Variants in PDE1A observed in about 807,000 individuals in gnomAD.
The protein encoded by PDE1A is phosphodiesterase 1A.
In PDE1A, 35 loss-of-function variants were observed where a neutral mutation model predicts 61.7. The observed-to-expected ratio is 0.57, with a 90% CI of 0.43 to 0.75. The LOEUF is 0.75. PDE1A is among the 30% of genes least tolerant of loss of function. The pLI, the probability that PDE1A is intolerant of heterozygous loss-of-function variation, is 0.00. For missense variants in PDE1A, 597 were observed against 630.6 expected (o/e 0.95, Z 0.57); for synonymous variants, 232 against 213.2 (o/e 1.09, Z -0.77).
At chr2:182,348,303 T>C (rs1248580954) in intron 1 of PDE1A, among the ~76,000 whole-genome samples, 4 of 152,162 alleles carry the variant, frequency 2.6e-5, no homozygotes, top group African/African-American at 9.7e-5. Context: ...AGGCAGATTG[T>C]TAGACTCTTT....
At chr2:182,684,182 T>G in the PDE1A span, among the ~76,000 whole-genome samples, 1 of 149,710 alleles carries the variant, frequency 6.7e-6, no homozygotes, top group Non-Finnish European at 1.5e-5. Context: ...TTGTAATACC[T>G]AAAAAAAATT....
the PDE1A span, among the ~76,000 whole-genome samples, chr2:182,681,738 C>T: frequency 4.9e-3 from 745 of 152,134 alleles, 3 homozygotes; most frequent in African/African-American, 0.017. Context: ...CTCCACCTTC[C>T]GGGTTCCCAC....
chr2:182,598,663 C>T, the PDE1A span, among the ~76,000 whole-genome samples: 1 of 152,146 alleles, frequency 6.6e-6, no homozygotes, highest in Non-Finnish European at 1.5e-5. Context: ...CAAGCTCTGC[C>T]TTTCGAGTGT....
At chr2:182,540,858 T>G in the PDE1A span, among the ~76,000 whole-genome samples, 26 of 152,290 alleles carry the variant, frequency 1.7e-4, no homozygotes, top group Admixed American at 1.6e-3. Context: ...TACCGTATGT[T>G]AATATACATG....
intron 7 of PDE1A, among the ~76,000 whole-genome samples, chr2:182,213,149 A>G (rs1383386473): frequency 6.6e-6 from 1 of 150,926 alleles, no homozygotes; most frequent in Admixed American, 6.6e-5. Flanking sequence ...ACCCCCCAGC[A>G]GGGGCAGACT....
chr2:182,453,590 C>T (rs1685678270), intron 2 of PDE1A, among the ~76,000 whole-genome samples: 1 of 152,082 alleles, frequency 6.6e-6, no homozygotes, highest in Admixed American at 6.6e-5. Context: ...GGCTTCATCC[C>T]TGGGATGCAA....
At chr2:182,149,975 T>C (rs1690691571) in intron 13 of PDE1A, among the ~76,000 whole-genome samples, 1 of 152,180 alleles carries the variant, frequency 6.6e-6, no homozygotes, top group Non-Finnish European at 1.5e-5. Context: ...GTAAACCTAG[T>C]GATGTGCTAT....
chr2:182,363,855 C>T (rs1241520534), intron 1 of PDE1A, among the ~76,000 whole-genome samples: 1 of 151,846 alleles, frequency 6.6e-6, no homozygotes, highest in African/African-American at 2.4e-5. Context: ...AAGATGTGTA[C>T]CACGAACTAT....
the PDE1A span, among the ~76,000 whole-genome samples, chr2:182,529,958 C>T: frequency 1.3e-5 from 2 of 152,160 alleles, no homozygotes; most frequent in Admixed American, 6.5e-5. Flanking sequence ...TGAACTAACA[C>T]AATCTCTTTG....
chr2:182,234,418 T>C lies in PDE1A; in HGVS notation c.417+14A>G. ...ATGACCATTTTATACACGAAAATAATGAAATTATGTCACCTTTAATGTTAC... is the reference window on the plus strand; with the variant it reads ...ATGACCATTTTATACACGAAAATAACGAAATTATGTCACCTTTAATGTTAC... On this transcript the variant is annotated intron_variant, in intron 4 of 13. Coordinates refer to ENST00000351439, the Ensembl canonical transcript of PDE1A. 6.4e-7 allele frequency: 1 copy of C among 1,572,222 alleles called. No individual in the cohort carries two copies. The highest frequency in any genetic ancestry group is 8.7e-7 in the Non-Finnish European group (1 of 1,150,404).
At chr2:182,569,254 A>AATATAT in the PDE1A span, among the ~76,000 whole-genome samples, 1,061 of 138,568 alleles carry the variant, frequency 7.7e-3, 28 homozygotes, top group African/African-American at 0.026. Flanking sequence ...ACCTGTCTCA[A>AATATAT]ATATATATAT....
chr2:182,626,876 TATATATACACATATATATATAC>T, the PDE1A span, among the ~76,000 whole-genome samples: 1 of 41,536 alleles, frequency 2.4e-5, no homozygotes, highest in Non-Finnish European at 4.9e-5. Flanking sequence ...TATATACATA[TATATATACACATATATATATAC>T]ATATATATAT....
intron 6 of PDE1A, among the ~76,000 whole-genome samples, chr2:182,225,655 A>G (rs772823540): frequency 8.0e-5 from 12 of 150,772 alleles, no homozygotes; most frequent in South Asian, 6.2e-4. Flanking sequence ...TCTTTCCCCT[A>G]TGGGGTTTAA....
At chr2:182,353,257 C>A (rs1292400462) in intron 1 of PDE1A, among the ~76,000 whole-genome samples, 1 of 152,190 alleles carries the variant, frequency 6.6e-6, no homozygotes, top group East Asian at 1.9e-4. Context: ...ATGGCAGCAG[C>A]TTTATTGCTT....
At chr2:182,193,171 A>G (rs1685856254) in intron 10 of PDE1A, among the ~76,000 whole-genome samples, 1 of 151,902 alleles carries the variant, frequency 6.6e-6, no homozygotes, top group African/African-American at 2.4e-5. Flanking sequence ...TATTTTTAGT[A>G]GAGACAGGGT....
the PDE1A span, among the ~76,000 whole-genome samples, chr2:182,686,230 G>A: frequency 6.6e-6 from 1 of 152,006 alleles, no homozygotes; most frequent in Non-Finnish European, 1.5e-5. Context: ...ATAATTATAT[G>A]ATTTTTCTTC....
the PDE1A span, among the ~76,000 whole-genome samples, chr2:182,709,379 T>C: frequency 6.6e-5 from 10 of 152,208 alleles, no homozygotes; most frequent in East Asian, 5.8e-4. Flanking sequence ...TTTTTGTACA[T>C]AATAAACATT....
the PDE1A span, among the ~76,000 whole-genome samples, chr2:182,634,849 G>A: frequency 6.6e-6 from 1 of 152,142 alleles, no homozygotes; most frequent in East Asian, 1.9e-4. Context: ...TTTAGTCAAA[G>A]CTTAATTACT....
intron 11 of PDE1A, 55 bp from the exon 12 acceptor site, chr2:182,186,643 T>C: frequency 6.5e-7 from 1 of 1,529,708 alleles, no homozygotes; most frequent in East Asian, 2.3e-5. Context: ...TACAATTTCC[T>C]GAATTCTGAA....
Sources: allele counts gnomAD v4.1 joint callset (sites outside exome capture counted in the v4.1 genomes callset), GRCh38; gene constraint gnomAD v4.1.1; transcripts MANE v1.5; gene names NCBI Gene and HGNC (gene_info 2026-07-23, HGNC 2026-07-21).